IKZF3: variants seen among roughly 807,000 people sequenced by gnomAD.
IKZF3 encodes IKAROS family zinc finger 3.
Under a neutral mutation model 49.0 loss-of-function variants are expected in IKZF3, and 10 were observed. The observed-to-expected ratio is 0.20, with a 90% CI of 0.13 to 0.35. The LOEUF (loss-of-function observed/expected upper bound fraction) is 0.35, where lower values mean the gene tolerates loss of function less well. Among genes scored for constraint, IKZF3 ranks in the 10% least tolerant of loss-of-function variants. IKZF3 has a pLI of 1.00. For synonymous variants in IKZF3, 209 were observed against 228.2 expected, an observed-to-expected ratio of 0.92 and a Z score of 0.76; for missense variants, 498 against 664.8, an observed-to-expected ratio of 0.75 and a Z score of 2.76.
rs1416790496 is a variant in IKZF3, at chr17:39,764,633, C to T, written c.*1157G>A. On this transcript the variant is annotated 3_prime_UTR_variant, in exon 8 of 8. Coordinates refer to ENST00000346872, the MANE Select transcript of IKZF3 (RefSeq NM_012481.5). ...AGGATGACTTATACATCTGCAGAAC[C>T]GTGATCAGACTTTCAGGAATTTTCA... The T allele has an allele frequency of 1.3e-5, 2 of 152,028 alleles. No individual in the cohort carries two copies. The highest frequency in any genetic ancestry group is 4.8e-5 in the African/African-American group (2 of 41,370). 9.4% of individuals were successfully genotyped at this position (152,028 alleles called of 1,614,324 possible). A position where few individuals can be genotyped will look rare whatever the true frequency, so the allele number is the denominator to read the frequency against.
At chr17:39,857,669 A>G (rs1253458743) in intron 1 of IKZF3, among the ~76,000 whole-genome samples, 3 of 152,186 alleles carry the variant, frequency 2.0e-5, no homozygotes, top group African/African-American at 4.8e-5. Flanking sequence ...ACCAATTTCA[A>G]TGTCTCTATT....
At chr17:39,841,645 A>G (rs1196888247) in intron 1 of IKZF3, among the ~76,000 whole-genome samples, 4 of 152,146 alleles carry the variant, frequency 2.6e-5, no homozygotes, top group Admixed American at 6.5e-5. Context: ...TAATAAGGAT[A>G]ATGAGAGCCA....
At chr17:39,773,104 T>C (rs763481910) in intron 7 of IKZF3, among the ~76,000 whole-genome samples, 8 of 152,198 alleles carry the variant, frequency 5.3e-5, no homozygotes, top group Non-Finnish European at 1.2e-4. Context: ...TGTGAGCCAC[T>C]GCACCTGGCC....
At position 39,846,202 on chromosome 17, in the gene IKZF3, A is replaced by G. The variant is rs117576441; in HGVS notation, c.8-14051T>C. Among the ~76,000 whole-genome samples, 1,339 of 152,302 alleles carry G rather than the reference A, an allele frequency of 8.8e-3. 8 individuals are homozygous for G. Among genetic ancestry groups the G allele is most frequent in the Non-Finnish European group, 0.013 (875 of 68,018 alleles). On this transcript the variant is annotated intron_variant, in intron 1 of 7. Coordinates refer to ENST00000346872, the MANE Select transcript of IKZF3 (RefSeq NM_012481.5). The stretch of plus-strand genomic sequence containing the variant: ...TTATCTCTTAAATAACACATCTTCT[A>G]AAGGACACAACTAGTCTACTACTGA...
At chr17:39,781,998 G>C (rs1350157306) in intron 6 of IKZF3, among the ~76,000 whole-genome samples, 1 of 152,102 alleles carries the variant, frequency 6.6e-6, no homozygotes, top group African/African-American at 2.4e-5. Context: ...GAGGACTCCT[G>C]TTCACCCACA....
intron 6 of IKZF3, among the ~76,000 whole-genome samples, chr17:39,779,522 G>A (rs1442107263): frequency 1.3e-5 from 2 of 152,020 alleles, no homozygotes; most frequent in South Asian, 4.2e-4. Context: ...CTAAATACAA[G>A]GCTTGACATT....
chr17:39,807,252 T>C (rs2061449638), intron 3 of IKZF3, among the ~76,000 whole-genome samples: 2 of 152,128 alleles, frequency 1.3e-5, no homozygotes, highest in Non-Finnish European at 2.9e-5. Context: ...AGCCAACAAT[T>C]CTAGGTATCT....
At chr17:39,863,887 A>G (rs2144622767) in intron 1 of IKZF3, among the ~76,000 whole-genome samples, 1 of 152,228 alleles carries the variant, frequency 6.6e-6, no homozygotes, top group African/African-American at 2.4e-5. Context: ...ATGTCTGACA[A>G]CTCTTTAGAA....
chr17:39,860,784 T>C (rs1005973182), intron 1 of IKZF3, among the ~76,000 whole-genome samples: 1 of 152,170 alleles, frequency 6.6e-6, no homozygotes, highest in Non-Finnish European at 1.5e-5. Context: ...TGCTCATTAT[T>C]TGGGTGACAG....
intron 1 of IKZF3, among the ~76,000 whole-genome samples, chr17:39,860,866 A>T (rs1341706476): frequency 6.6e-6 from 1 of 152,172 alleles, no homozygotes; most frequent in Non-Finnish European, 1.5e-5. Flanking sequence ...TACCCCCTAA[A>T]TCTAATTTTG....
chr17:39,767,153 G>C (rs2060314713), intron 7 of IKZF3, among the ~76,000 whole-genome samples: 2 of 152,160 alleles, frequency 1.3e-5, no homozygotes. Context: ...CTTGAGAAGA[G>C]ATCATGGTCT....
At chr17:39,788,635 G>A (rs1430140441) in intron 5 of IKZF3, among the ~76,000 whole-genome samples, 1 of 152,114 alleles carries the variant, frequency 6.6e-6, no homozygotes, top group Non-Finnish European at 1.5e-5. Flanking sequence ...TTACCATTTC[G>A]CATACTGTTT....
Position 39,765,802 on chromosome 17 carries a change from G to A in IKZF3, c.1518C>T (p.Ala506=). 6.3e-7 allele frequency: 1 copy of A among 1,599,710 alleles called. No individual in the cohort carries two copies. The highest frequency in any genetic ancestry group is 8.6e-7 in the Non-Finnish European group (1 of 1,168,978). Residue 506 remains alanine (A), a synonymous_variant, in exon 8 of 8, where the codon GCC becomes GCT. Transcript: ENST00000346872. ...TGAGACCAGATATTCACTTCAGCAGGGCTCTGTGTTCTCCTCTGGCTATGT... is the reference window on the plus strand; with the variant it reads ...TGAGACCAGATATTCACTTCAGCAGAGCTCTGTGTTCTCCTCTGGCTATGT... ...SSHIARGEHR[A]LLK
At chr17:39,800,171 T>A (rs113200444) in intron 3 of IKZF3, among the ~76,000 whole-genome samples, 4 of 152,354 alleles carry the variant, frequency 2.6e-5, no homozygotes, top group African/African-American at 9.6e-5. Flanking sequence ...TTTTATAGTA[T>A]GAATAATCTC....
intron 7 of IKZF3, among the ~76,000 whole-genome samples, chr17:39,777,031 A>AT (rs2060609086): frequency 6.6e-6 from 1 of 152,240 alleles, no homozygotes; most frequent in Non-Finnish European, 1.5e-5. Context: ...TGTCTCTGCC[A>AT]TTTGGAAGTC....
At chr17:39,857,789 T>C (rs1331014006) in intron 1 of IKZF3, among the ~76,000 whole-genome samples, 1 of 152,134 alleles carries the variant, frequency 6.6e-6, no homozygotes, top group Non-Finnish European at 1.5e-5. Flanking sequence ...AGGCCTACTA[T>C]GTGCTGGGGA....
chr17:39,848,773 G>A (rs2062708451), intron 1 of IKZF3, among the ~76,000 whole-genome samples: 1 of 152,078 alleles, frequency 6.6e-6, no homozygotes, highest in African/African-American at 2.4e-5. Flanking sequence ...CGGAACTCCT[G>A]GGCTTAAGCA....
chr17:39,817,298 A>T (rs2061699048), intron 3 of IKZF3, among the ~76,000 whole-genome samples: 1 of 152,234 alleles, frequency 6.6e-6, no homozygotes, highest in Admixed American at 6.5e-5. Context: ...GGTTCCTAAA[A>T]TCTTTCAAAT....
chr17:39,796,860 T>C (rs1448280978), intron 3 of IKZF3, among the ~76,000 whole-genome samples: 8 of 149,170 alleles, frequency 5.4e-5, no homozygotes, highest in Non-Finnish European at 8.9e-5. Flanking sequence ...CATTCCTTTC[T>C]AGACAGATTT....
Sources: allele counts gnomAD v4.1 joint callset (sites outside exome capture counted in the v4.1 genomes callset), GRCh38; gene constraint gnomAD v4.1.1; transcripts MANE v1.5; gene names NCBI Gene and HGNC (gene_info 2026-07-23, HGNC 2026-07-21).